Variants in HERC1 observed in about 807,000 individuals in gnomAD.
HERC1 encodes HECT and RLD domain containing E3 ubiquitin protein ligase family member 1.
A neutral mutation model predicts 554.3 loss-of-function variants in HERC1; 160 were observed. That is an observed-to-expected ratio of 0.29 (90% confidence interval 0.25 to 0.33). The LOEUF (loss-of-function observed/expected upper bound fraction) is 0.33. Ranked by LOEUF, HERC1 falls within the 10% of genes least tolerant of loss-of-function variation. The pLI is 1.00. For synonymous variants in HERC1, 2,175 were observed against 2,131.7 expected (o/e 1.02, Z -0.56); for missense variants, 4,919 against 5,918.5 (o/e 0.83, Z 5.54).
chr15:63,754,437 C>A, intron 7 of HERC1, 68 bp downstream of exon 7: 1 of 1,360,220 alleles, frequency 7.4e-7, no homozygotes, highest in Non-Finnish European at 1.0e-6. Context: ...GCATATATAA[C>A]TGAAAAATAA....
At chr15:63,777,600 T>C (rs1407017779) in intron 1 of HERC1, among the ~76,000 whole-genome samples, 1 of 152,240 alleles carries the variant, frequency 6.6e-6, no homozygotes, top group Non-Finnish European at 1.5e-5. Flanking sequence ...TCCTATTTTG[T>C]TATCTTGTCA....
rs558401501 is a variant in HERC1 at position 63,670,688 on chromosome 15, G to C, written c.8046-990C>G. ...TAATCAGAGCTGAAAAGGTTACAAG[G>C]AGTCACAGTGCTACTGATCTTGTGT... On this transcript the variant is annotated intron_variant, in intron 39 of 77. Coordinates refer to ENST00000443617, the MANE Select transcript of HERC1 (RefSeq NM_003922.4). Among the ~76,000 whole-genome samples the C allele has an allele frequency of 1.6e-4, 24 of 152,246 alleles. No homozygotes were observed. In the East Asian group the frequency reaches 4.6e-3, roughly 29 times the overall value.
chr15:63,680,536 C>T lies in HERC1; in HGVS notation c.6465+1G>A. The T allele has an allele frequency of 6.2e-7, 1 of 1,613,498 alleles. No homozygotes were observed. Among genetic ancestry groups the T allele is most frequent in the Non-Finnish European group, 8.5e-7 (1 of 1,179,670 alleles). ...TAATGCTTGTGAATGGGTGTCGGTA[C>T]CTCTCCATTTTTCCCAAAAGAAATG... On this transcript the variant is annotated splice_donor_variant, in intron 35 of 77. Transcript: ENST00000443617. LOFTEE classifies it high-confidence loss of function. The surrounding 1 kb of genome is among the most constrained non-coding windows in gnomAD (Gnocchi z 5.8).
intron 12 of HERC1, among the ~76,000 whole-genome samples, chr15:63,742,348 A>C (rs1321585311): frequency 1.3e-5 from 2 of 152,202 alleles, no homozygotes; most frequent in Non-Finnish European, 2.9e-5. Flanking sequence ...AGCTCTGCTG[A>C]ACTCGTTTAT....
intron 1 of HERC1, among the ~76,000 whole-genome samples, chr15:63,826,291 C>G (rs2077899143): frequency 1.3e-5 from 2 of 152,100 alleles, no homozygotes; most frequent in Admixed American, 1.3e-4. Context: ...TGCCCTAACC[C>G]AGAACTTTAA....
Position 63,645,028 on chromosome 15 carries a change from A to G in HERC1, c.11148T>C (p.Ser3716=), listed in dbSNP as rs1431382443. 6.2e-7 allele frequency: 1 copy of G among 1,613,712 alleles called. No individual in the cohort carries two copies. Among genetic ancestry groups the G allele is most frequent in the South Asian group, 1.1e-5 (1 of 91,084 alleles). Reference sequence around the variant, plus strand: ...ATTCCTGCTCCCACCATCCTTCTGCACTAGTCACATTGGTCTGTGTAGTAT... The same window carrying G: ...ATTCCTGCTCCCACCATCCTTCTGCGCTAGTCACATTGGTCTGTGTAGTAT... ...PQDTTQTNVT[S]AEGWWEQESN... is the part of the protein sequence containing the mutation. The change falls in exon 57 of 78, where the codon AGT becomes AGC. Residue 3716 remains serine, a synonymous_variant. Coordinates refer to ENST00000443617, the MANE Select transcript of HERC1 (RefSeq NM_003922.4).
At chr15:63,647,131 G>C (rs951292884) in intron 55 of HERC1, among the ~76,000 whole-genome samples, 4 of 152,078 alleles carry the variant, frequency 2.6e-5, no homozygotes, top group African/African-American at 9.7e-5. Context: ...GTGGGTGCCT[G>C]TAATCCCAGC....
At chr15:63,801,266 G>T (rs72752906) in intron 1 of HERC1, among the ~76,000 whole-genome samples, 29,201 of 152,122 alleles carry the variant, frequency 0.19, 3,094 homozygotes, top group Non-Finnish European at 0.23. Flanking sequence ...GGGGGTAGTT[G>T]TAGGAACTCC....
At chr15:63,823,588 T>C (rs1318044452) in intron 1 of HERC1, among the ~76,000 whole-genome samples, 8 of 152,198 alleles carry the variant, frequency 5.3e-5, no homozygotes, top group Non-Finnish European at 1.2e-4. Context: ...CCTCAGAACA[T>C]TGACAATGGT....
intron 1 of HERC1, among the ~76,000 whole-genome samples, chr15:63,787,314 A>C (rs2076489840): frequency 6.7e-6 from 1 of 148,392 alleles, no homozygotes; most frequent in African/African-American, 2.5e-5. Context: ...GCACCACCAC[A>C]CCCAGCTAAT....
chr15:63,643,700 G>T, intron 57 of HERC1, 150 bp from the exon 58 acceptor site: 1 of 520,818 alleles, frequency 1.9e-6, no homozygotes, highest in Non-Finnish European at 3.4e-6. Context: ...AAGCTTGACT[G>T]AATCAGTAAT....
chr15:63,693,817 C>T lies in HERC1; in HGVS notation c.5674+147G>A, dbSNP rs926387190. Reference sequence around the variant, plus strand: ...CAGAAGCTCATCTAAATCATATATACGTGAAGAGAAAAGAGGTTTGTAAAT... The same window carrying T: ...CAGAAGCTCATCTAAATCATATATATGTGAAGAGAAAAGAGGTTTGTAAAT... On this transcript the variant is annotated intron_variant, in intron 30 of 77. Coordinates refer to ENST00000443617, the MANE Select transcript of HERC1 (RefSeq NM_003922.4). The T allele has an allele frequency of 9.8e-6, 8 of 813,224 alleles. No homozygotes were observed. In the East Asian group the frequency reaches 1.1e-4, roughly 11 times the overall value. The allele number at this position is 813,224 out of a possible 1,614,324, so 50.4% of individuals were successfully genotyped here. A position where few individuals can be genotyped will look rare whatever the true frequency, so the allele number is the denominator to read the frequency against.
intron 64 of HERC1, chr15:63,637,138 T>C (rs915583869): frequency 2.2e-6 from 1 of 458,730 alleles, no homozygotes; most frequent in Non-Finnish European, 4.4e-6. Context: ...TTAAAGTCTT[T>C]AGCACATTTG....
At chr15:63,661,619 T>C in intron 45 of HERC1, 134 bp downstream of exon 45, 1 of 887,330 alleles carries the variant, frequency 1.1e-6, no homozygotes. Flanking sequence ...CCATCCCTTC[T>C]GCCCAAAGTG....
intron 1 of HERC1, among the ~76,000 whole-genome samples, chr15:63,808,518 T>G (rs2077200276): frequency 6.6e-6 from 1 of 152,150 alleles, no homozygotes; most frequent in South Asian, 2.1e-4. Flanking sequence ...ACTCCTGGCC[T>G]CAAGCAATCC....
At chr15:63,787,304 G>A (rs1262616320) in intron 1 of HERC1, among the ~76,000 whole-genome samples, 1 of 151,852 alleles carries the variant, frequency 6.6e-6, no homozygotes, top group Non-Finnish European at 1.5e-5. Flanking sequence ...CTACAGGCAT[G>A]CACCACCACA....
chr15:63,713,930 A>G (rs1046274544), intron 22 of HERC1, among the ~76,000 whole-genome samples: 4 of 152,210 alleles, frequency 2.6e-5, no homozygotes, highest in African/African-American at 9.6e-5. Context: ...AAATGTTATT[A>G]ATGAATTGGA....
At chr15:63,774,610 A>C (rs1369364164) in intron 2 of HERC1, 84 bp downstream of exon 2, 142 of 972,864 alleles carry the variant, frequency 1.5e-4, no homozygotes, top group Non-Finnish European at 2.1e-4. Context: ...CAAATCATTC[A>C]CTATTACCAC....
chr15:63,748,420 C>T (rs962400448), intron 10 of HERC1, among the ~76,000 whole-genome samples: 1 of 152,072 alleles, frequency 6.6e-6, no homozygotes, highest in African/African-American at 2.4e-5. Context: ...CACCTGAAAG[C>T]AGAGGGCTGA....
Sources: allele counts gnomAD v4.1 joint callset (sites outside exome capture counted in the v4.1 genomes callset), GRCh38; gene constraint gnomAD v4.1.1; non-coding constraint Gnocchi (gnomAD v3.1); transcripts MANE v1.5; gene names NCBI Gene and HGNC (gene_info 2026-07-23, HGNC 2026-07-21).